POU3F3: variants seen among roughly 807,000 people sequenced by gnomAD.
POU3F3 encodes POU domain, class 3, transcription factor 3.
In POU3F3, 1 loss-of-function variant was observed where a neutral mutation model predicts 8.6. The ratio of observed to expected loss-of-function variants is 0.12; its 90% CI spans 0.04 to 0.55. The LOEUF is 0.55. Ranked by LOEUF, POU3F3 falls within the 20% of genes least tolerant of loss-of-function variation. The pLI, the probability that POU3F3 is intolerant of heterozygous loss-of-function variation, is 0.91. For synonymous variants in POU3F3, 418 were observed against 327.4 expected, an observed-to-expected ratio of 1.28 and a Z score of -2.99; for missense variants, 577 against 690.7, an observed-to-expected ratio of 0.84 and a Z score of 1.84.
chr2:104,912,179 A>C, the POU3F3 span, among the ~76,000 whole-genome samples: 1 of 152,152 alleles, frequency 6.6e-6, no homozygotes, highest in Non-Finnish European at 1.5e-5. Context: ...AGCAGTGCCG[A>C]GTTTGTTCGT....
chr2:104,875,983 G>T, the POU3F3 span, among the ~76,000 whole-genome samples: 1 of 152,202 alleles, frequency 6.6e-6, no homozygotes, highest in African/African-American at 2.4e-5. Flanking sequence ...CTCCCAAAGT[G>T]CTGGGATTAC....
the POU3F3 span, among the ~76,000 whole-genome samples, chr2:104,882,992 T>C: frequency 6.6e-6 from 1 of 152,180 alleles, no homozygotes; most frequent in Non-Finnish European, 1.5e-5. Context: ...GTAATAGCCA[T>C]CTAAATGTAA....
the POU3F3 span, among the ~76,000 whole-genome samples, chr2:104,869,629 C>T: frequency 6.6e-6 from 1 of 152,224 alleles, no homozygotes; most frequent in Non-Finnish European, 1.5e-5. Context: ...ATCACAGAGT[C>T]AATAAACCCA....
chr2:104,889,705 G>T, the POU3F3 span, among the ~76,000 whole-genome samples: 3 of 152,202 alleles, frequency 2.0e-5, no homozygotes, highest in Non-Finnish European at 4.4e-5. Flanking sequence ...TAGTTAAATT[G>T]TCAGGTAACT....
At chr2:104,893,687 G>C in the POU3F3 span, among the ~76,000 whole-genome samples, 2 of 152,168 alleles carry the variant, frequency 1.3e-5, no homozygotes, top group African/African-American at 4.8e-5. Flanking sequence ...TTTGAGACCA[G>C]CCTGCCCAAC....
chr2:104,909,567 T>C, the POU3F3 span, among the ~76,000 whole-genome samples: 1 of 152,236 alleles, frequency 6.6e-6, no homozygotes, highest in East Asian at 1.9e-4. Context: ...ATCAGCCTCT[T>C]GCCCATGCCT....
the POU3F3 span, among the ~76,000 whole-genome samples, chr2:104,906,566 A>G: frequency 8.9e-3 from 1,348 of 152,298 alleles, 21 homozygotes; most frequent in African/African-American, 0.031. Context: ...TGTCATGTTA[A>G]AAAAGGAACT....
At chr2:104,885,986 G>A in the POU3F3 span, among the ~76,000 whole-genome samples, 5 of 152,084 alleles carry the variant, frequency 3.3e-5, no homozygotes, top group East Asian at 1.9e-4. Flanking sequence ...TAGTTGAGAC[G>A]GGGTTTCACC....
Position 104,855,975 on chromosome 2 carries a change from C to T in POU3F3, c.465C>T (p.Arg155=), listed in dbSNP as rs928721333. The T allele has an allele frequency of 2.9e-6, 3 of 1,036,604 alleles. No individual in the cohort carries two copies. Among genetic ancestry groups the T allele is most frequent in the East Asian group, 1.0e-4 (1 of 9,640 alleles). 64.2% of individuals were successfully genotyped at this position (1,036,604 alleles called of 1,614,324 possible). Residue 155 remains arginine (R), a synonymous_variant, in exon 1 of 1, where the codon CGC becomes CGT. Transcript: ENST00000361360. ...QGPDVKGGAG[R]DDLHAGTALH... ...CCGACGTGAAGGGCGGCGCCGGGCG[C>T]GACGACCTGCACGCGGGCACAGCGC...
the POU3F3 span, among the ~76,000 whole-genome samples, chr2:104,915,469 T>C: frequency 6.6e-6 from 1 of 152,138 alleles, no homozygotes; most frequent in African/African-American, 2.4e-5. Context: ...ACACAGATAT[T>C]TATTAGCACA....
At chr2:104,898,962 C>T in the POU3F3 span, among the ~76,000 whole-genome samples, 1 of 152,086 alleles carries the variant, frequency 6.6e-6, no homozygotes, top group African/African-American at 2.4e-5. Flanking sequence ...AAAATAGATA[C>T]AGAAAGTTAT....
the POU3F3 span, among the ~76,000 whole-genome samples, chr2:104,919,779 TCCTTC>T: frequency 5.9e-5 from 9 of 151,796 alleles, no homozygotes; most frequent in African/African-American, 2.2e-4. Context: ...CTCCCTTGTC[TCCTTC>T]CCTTCCCTTC....
chr2:104,876,144 T>A, the POU3F3 span, among the ~76,000 whole-genome samples: 1 of 152,306 alleles, frequency 6.6e-6, no homozygotes, highest in Non-Finnish European at 1.5e-5. Flanking sequence ...AAGCTGGAAG[T>A]TCAAAGGGCT....
At chr2:104,927,072 C>G in the POU3F3 span, among the ~76,000 whole-genome samples, 1 of 152,134 alleles carries the variant, frequency 6.6e-6, no homozygotes, top group Non-Finnish European at 1.5e-5. Context: ...CCTGCACATT[C>G]AGTACATGTA....
chr2:104,894,700 T>C, the POU3F3 span, among the ~76,000 whole-genome samples: 28 of 152,308 alleles, frequency 1.8e-4, no homozygotes, highest in African/African-American at 6.3e-4. Context: ...TTTACCAAGA[T>C]CTTTGCTATT....
chr2:104,872,331 A>G, the POU3F3 span: 1 of 456,638 alleles, frequency 2.2e-6, no homozygotes, highest in Non-Finnish European at 4.4e-6. This position sits in a 1 kb window ranked among gnomAD's most constrained non-coding sequence, Gnocchi z 4.6. Context: ...CAACATCATC[A>G]AAGACCAGAG....
At chr2:104,864,449 C>A in the POU3F3 span, among the ~76,000 whole-genome samples, 3 of 152,212 alleles carry the variant, frequency 2.0e-5, no homozygotes, top group South Asian at 2.1e-4. Flanking sequence ...AACCCGATTT[C>A]TTTCTAGTGA....
At position 104,856,005 on chromosome 2, in the gene POU3F3, C is replaced by A. The variant is rs1266007835; in HGVS notation, c.495C>A (p.His165Gln). 2.0e-6 allele frequency: 2 copies of A among 989,562 alleles called. No homozygotes were observed. The highest frequency in any genetic ancestry group is 2.4e-6 in the Non-Finnish European group (2 of 835,470). The allele number at this position is 989,562 out of a possible 1,614,324, so 61.3% of individuals were successfully genotyped here. Residue 165 changes from histidine to glutamine, a missense_variant, in exon 1 of 1, where the codon CAC becomes CAA. This residue lies in a region of POU3F3 where 484 missense variants were observed against 422.6 expected (regional missense o/e 1.15). Coordinates refer to ENST00000361360, the MANE Select transcript of POU3F3 (RefSeq NM_006236.3). Reference sequence around the variant, plus strand: ...ACCTGCACGCGGGCACAGCGCTGCACCACCGCGGGCCGCCGCACCTCGGAC... The same window carrying A: ...ACCTGCACGCGGGCACAGCGCTGCAACACCGCGGGCCGCCGCACCTCGGAC... The part of the protein sequence containing the change: ...RDDLHAGTAL[H>Q]HRGPPHLGPP...
chr2:104,916,929 G>A, the POU3F3 span, among the ~76,000 whole-genome samples: 3 of 152,206 alleles, frequency 2.0e-5, no homozygotes, highest in African/African-American at 7.2e-5. Flanking sequence ...AGTAGACTCA[G>A]TAAACAAGAT....
Sources: gnomAD v4.1 joint callset for allele counts (sites outside exome capture counted in the v4.1 genomes callset) on GRCh38, gnomAD v4.1.1 for gene constraint, gnomAD v4.1.1 regional missense constraint, Gnocchi (gnomAD v3.1) non-coding constraint, MANE v1.5 for transcripts, NCBI Gene and HGNC (gene_info 2026-07-23, HGNC 2026-07-21) for gene names.